TRIP11: variants seen among roughly 807,000 people sequenced by gnomAD.
TRIP11 encodes the protein thyroid hormone receptor interactor 11.
In TRIP11, 148 loss-of-function variants were observed where a neutral mutation model predicts 223.1. The ratio of observed to expected loss-of-function variants is 0.66; its 90% CI spans 0.58 to 0.76. TRIP11 has a LOEUF of 0.76. Among genes scored for constraint, TRIP11 ranks in the 30% least tolerant of loss-of-function variants. The pLI, the probability that TRIP11 is intolerant of heterozygous loss-of-function variation, is 0.00. For missense variants in TRIP11, 2,043 were observed against 2,222.0 expected (o/e 0.92, Z 1.62); for synonymous variants, 762 against 772.6 (o/e 0.99, Z 0.23).
chr14:92,025,508 T>TCA, intron 2 of TRIP11, 88 bp from the exon 3 acceptor site: 1 of 831,848 alleles, frequency 1.2e-6, no homozygotes, highest in Non-Finnish European at 1.9e-6. Flanking sequence ...ACGTACTGCT[T>TCA]TCCCCCCCCA....
At chr14:92,024,193 C>T (rs2057149282) in intron 3 of TRIP11, among the ~76,000 whole-genome samples, 1 of 152,036 alleles carries the variant, frequency 6.6e-6, no homozygotes, top group Non-Finnish European at 1.5e-5. Context: ...GCCTGGCCAA[C>T]GTGGTGAAAC....
chr14:92,039,765 C>G lies in TRIP11; in HGVS notation c.-80G>C. 6.4e-7 allele frequency: 1 copy of G among 1,555,274 alleles called. No homozygotes were observed. The highest frequency in any genetic ancestry group is 1.2e-5 in the South Asian group (1 of 84,406). ...GCCGCCGGGCGATCCGACCAAATATCCTTGAACGCCTGCCTTCGCGAGACA... is the reference window on the plus strand; with the variant it reads ...GCCGCCGGGCGATCCGACCAAATATGCTTGAACGCCTGCCTTCGCGAGACA... On this transcript the variant is annotated 5_prime_UTR_variant, in exon 1 of 21. Coordinates refer to ENST00000267622, the MANE Select transcript of TRIP11 (RefSeq NM_004239.4).
At chr14:92,031,494 T>G (rs2057264825) in intron 2 of TRIP11, among the ~76,000 whole-genome samples, 1 of 152,106 alleles carries the variant, frequency 6.6e-6, no homozygotes, top group African/African-American at 2.4e-5. Flanking sequence ...GAAGGATCAC[T>G]TGAGCCCAGA....
chr14:92,016,763 C>T (rs1489320958), intron 5 of TRIP11, among the ~76,000 whole-genome samples: 1 of 152,120 alleles, frequency 6.6e-6, no homozygotes, highest in African/African-American at 2.4e-5. Flanking sequence ...GATAATAAAA[C>T]AGAAGTAACT....
chr14:91,985,422 AGAAATGACT>A (rs2056593893), intron 16 of TRIP11, among the ~76,000 whole-genome samples: 1 of 152,070 alleles, frequency 6.6e-6, no homozygotes, highest in Non-Finnish European at 1.5e-5. Context: ...CATACTCTTA[AGAAATGACT>A]GAAATTATCA....
intron 11 of TRIP11, among the ~76,000 whole-genome samples, chr14:92,003,134 C>A (rs1466352759): frequency 5.3e-5 from 8 of 152,004 alleles, no homozygotes; most frequent in African/African-American, 1.5e-4. Context: ...CTTCAAAATT[C>A]TCTCATGAGA....
chr14:91,974,613 A>C lies in TRIP11; in HGVS notation c.5574+14T>G, dbSNP rs2056440624. On this transcript the variant is annotated intron_variant, in intron 19 of 20. Transcript: ENST00000267622. ...TTACTATTCACCTTAAGCAAGAATA[A>C]AATTGTTTCTTACACTATTAACCAC... 18 of 1,582,080 alleles carry C rather than the reference A, an allele frequency of 1.1e-5. No individual in the cohort carries two copies. Among genetic ancestry groups the C allele is most frequent in the Non-Finnish European group, 1.6e-5 (18 of 1,152,542 alleles).
intron 2 of TRIP11, among the ~76,000 whole-genome samples, chr14:92,032,832 CA>C (rs200430285): frequency 0.033 from 2,491 of 75,282 alleles, 26 homozygotes; most frequent in African/African-American, 0.086. Flanking sequence ...GACCCCGTTT[CA>C]AAAAAAAAAA....
In TRIP11 at chr14:91,969,662, T is replaced by G; in HGVS notation, c.*11A>C. On this transcript the variant is annotated 3_prime_UTR_variant, in exon 21 of 21. Coordinates refer to ENST00000267622, the MANE Select transcript of TRIP11 (RefSeq NM_004239.4). ...TTTAAAGTGCTAGATTGTCTCTGGC[T>G]TGAGAATCATCTATTGCTTTAAAAG... The G allele has an allele frequency of 6.2e-7, 1 of 1,611,658 alleles. No homozygotes were observed. The highest frequency in any genetic ancestry group is 8.5e-7 in the Non-Finnish European group (1 of 1,179,468).
intron 16 of TRIP11, among the ~76,000 whole-genome samples, chr14:91,986,188 G>T (rs1280188480): frequency 6.6e-6 from 1 of 152,172 alleles, no homozygotes; most frequent in Non-Finnish European, 1.5e-5. Context: ...ATGAATATTA[G>T]TATTTTCCAC....
At chr14:91,985,980 T>C (rs1052161948) in intron 16 of TRIP11, among the ~76,000 whole-genome samples, 2 of 152,184 alleles carry the variant, frequency 1.3e-5, no homozygotes, top group African/African-American at 2.4e-5. Context: ...AGAAAACAGA[T>C]TGTTAAGAAG....
intron 3 of TRIP11, among the ~76,000 whole-genome samples, chr14:92,022,392 T>C (rs988799636): frequency 2.4e-4 from 36 of 152,216 alleles, no homozygotes; most frequent in Non-Finnish European, 1.2e-4. Context: ...AGTGAAACAG[T>C]GAGCCCATGG....
intron 11 of TRIP11, among the ~76,000 whole-genome samples, chr14:92,000,478 G>C (rs2056809802): frequency 6.6e-6 from 1 of 152,158 alleles, no homozygotes. Context: ...TGGTTCATTA[G>C]CTGTGGCAAA....
chr14:91,972,139 T>C (rs533618639), intron 20 of TRIP11, among the ~76,000 whole-genome samples: 2 of 152,332 alleles, frequency 1.3e-5, no homozygotes, highest in African/African-American at 4.8e-5. Flanking sequence ...CAGAAAAATA[T>C]GTACACGTTA....
intron 20 of TRIP11, among the ~76,000 whole-genome samples, chr14:91,970,414 A>C (rs1329449987): frequency 6.7e-6 from 1 of 148,954 alleles, no homozygotes; most frequent in African/African-American, 2.6e-5. Context: ...GCTCCATCTC[A>C]AAAACAAAAA....
chr14:91,980,474 A>G (rs28372568), intron 16 of TRIP11, among the ~76,000 whole-genome samples: 4,527 of 152,326 alleles, frequency 0.03, 215 homozygotes, highest in African/African-American at 0.094. Context: ...TTTGTTGCCT[A>G]TTTTGTAAAA....
chr14:91,996,061 A>T (rs1159321585), intron 13 of TRIP11, among the ~76,000 whole-genome samples: 1 of 152,238 alleles, frequency 6.6e-6, no homozygotes, highest in African/African-American at 2.4e-5. Flanking sequence ...GGCACTAAGT[A>T]CATTCACACT....
At chr14:92,025,442 A>G (rs751276178) in intron 2 of TRIP11, 22 bp from the exon 3 acceptor site, 10 of 1,570,988 alleles carry the variant, frequency 6.4e-6, no homozygotes. Flanking sequence ...AAGTATTTTC[A>G]ACAAAAAGAC....
chr14:91,981,036 T>G (rs2056536942), intron 16 of TRIP11, among the ~76,000 whole-genome samples: 1 of 116,302 alleles, frequency 8.6e-6, no homozygotes, highest in Non-Finnish European at 1.8e-5. Context: ...TTTTTTTTTT[T>G]GAGACAGAGT....
Sources: gnomAD v4.1 joint callset for allele counts (sites outside exome capture counted in the v4.1 genomes callset) on GRCh38, gnomAD v4.1.1 for gene constraint, MANE v1.5 for transcripts, NCBI Gene and HGNC (gene_info 2026-07-23, HGNC 2026-07-21) for gene names.